The following CADPS variants were observed in gnomAD, a reference collection of about 807,000 sequenced individuals.
CADPS encodes calcium-dependent secretion activator 1.
CADPS carries 57 observed loss-of-function variants against 167.3 expected under a neutral mutation model. The ratio of observed to expected loss-of-function variants is 0.34; its 90% confidence interval spans 0.28 to 0.42. The LOEUF (loss-of-function observed/expected upper bound fraction) is 0.42. Among genes scored for constraint, CADPS ranks in the 20% least tolerant of loss-of-function variants. CADPS has a pLI of 1.00. For missense variants in CADPS, 1,414 were observed against 1,738.1 expected (o/e 0.81, Z 3.32); for synonymous variants, 676 against 635.3 (o/e 1.06, Z -0.96).
intron 1 of CADPS, among the ~76,000 whole-genome samples, chr3:62,775,442 T>C (rs1397890845): frequency 6.6e-6 from 1 of 152,158 alleles, no homozygotes; most frequent in Non-Finnish European, 1.5e-5. Context: ...TGTTCACACA[T>C]TTCATCACAC....
rs779353219 is a variant in CADPS, at chr3:62,550,036, G to T, written c.1833C>A (p.Asp611Glu). The change falls in exon 11 of 30, where the codon GAC (aspartate) becomes GAA (glutamate). Residue 611 changes from aspartate (D) to glutamate (E), a missense_variant. Physicochemically the swap from Asp to Glu is conservative, Grantham distance 45. Around this residue, in one of 6 missense-constraint regions of CADPS, gnomAD observed 529 missense variants for 629.6 expected, o/e 0.84. Transcript: ENST00000383710. ...TVIFASDDEQDRILWVQAMYR... is the reference protein window; with the variant it reads ...TVIFASDDEQERILWVQAMYR... ...ACATGGCCTGGACCCACAGGATGCG[G>T]TCTTGTTCATCGTCACTGGCAAATA... is the stretch of plus-strand genomic sequence containing the variant. 1 of 1,614,118 alleles carries T rather than the reference G, an allele frequency of 6.2e-7. No homozygotes were observed. Among genetic ancestry groups the T allele is most frequent in the Non-Finnish European group, 8.5e-7 (1 of 1,179,968 alleles).
chr3:62,553,026 A>T (rs2077559430), intron 10 of CADPS, among the ~76,000 whole-genome samples: 1 of 152,198 alleles, frequency 6.6e-6, no homozygotes. Flanking sequence ...AAGCCTGAAA[A>T]GTGAGCAATA....
At chr3:62,839,781 G>A (rs961020621) in intron 1 of CADPS, among the ~76,000 whole-genome samples, 1 of 152,176 alleles carries the variant, frequency 6.6e-6, no homozygotes, top group African/African-American at 2.4e-5. Context: ...TCATGGCTCA[G>A]GGTTCATTCC....
chr3:62,744,141 T>C (rs2080933919), intron 3 of CADPS, among the ~76,000 whole-genome samples: 1 of 152,122 alleles, frequency 6.6e-6, no homozygotes, highest in African/African-American at 2.4e-5. Flanking sequence ...CTTTAAAGGC[T>C]TGTTATGAGG....
At chr3:62,442,051 G>A (rs905087123) in intron 27 of CADPS, among the ~76,000 whole-genome samples, 5 of 151,678 alleles carry the variant, frequency 3.3e-5, no homozygotes, top group Admixed American at 6.6e-5. Context: ...AAACAATTAT[G>A]TGCCCATTAA....
chr3:62,478,012 A>T lies in CADPS; in HGVS notation c.3329+249T>A. ...GGGATACAAAAAAGAATGGACAGGG[A>T]TCTTTTCCTCTTAAAGCCAACAACC... On this transcript the variant is annotated intron_variant, in intron 23 of 29. Coordinates refer to ENST00000383710, the MANE Select transcript of CADPS (RefSeq NM_003716.4). The surrounding 1 kb of genome is among the most constrained non-coding windows in gnomAD (Gnocchi z 5.7). The T allele has an allele frequency of 2.2e-6, 1 of 464,556 alleles. No individual in the cohort carries two copies. The allele number at this position is 464,556 out of a possible 1,614,324, so 28.8% of individuals were successfully genotyped here.
intron 26 of CADPS, among the ~76,000 whole-genome samples, chr3:62,448,022 G>C (rs1010478039): frequency 6.6e-6 from 1 of 152,030 alleles, no homozygotes. Flanking sequence ...GTTTACAATC[G>C]AGAACGTAAA....
rs760349324 is a variant in CADPS, at chr3:62,421,281, A to G, written c.3777+16823T>C. 7.5e-5 allele frequency among the ~76,000 whole-genome samples: 11 copies of G among 147,176 alleles called. No individual in the cohort carries two copies. Among genetic ancestry groups the G allele is most frequent in the Non-Finnish European group, 1.5e-4 (10 of 66,636 alleles). On this transcript the variant is annotated intron_variant, in intron 28 of 29. Coordinates refer to ENST00000383710, the MANE Select transcript of CADPS (RefSeq NM_003716.4). This position sits in a 1 kb window ranked among gnomAD's most constrained non-coding sequence, Gnocchi z 4.7. ...TTTTGAGGTGACAGAATAAGAAATTAAACACTTGTGGGTTCATTCGAAAGA... is the reference window on the plus strand; with the variant it reads ...TTTTGAGGTGACAGAATAAGAAATTGAACACTTGTGGGTTCATTCGAAAGA...
At chr3:62,827,939 T>C (rs1055054206) in intron 1 of CADPS, among the ~76,000 whole-genome samples, 2 of 152,150 alleles carry the variant, frequency 1.3e-5, no homozygotes, top group South Asian at 4.1e-4. Context: ...ATAAACTCAG[T>C]AGAACATTTT....
At chr3:62,724,201 A>C (rs2076328617) in intron 3 of CADPS, among the ~76,000 whole-genome samples, 1 of 152,172 alleles carries the variant, frequency 6.6e-6, no homozygotes, top group East Asian at 1.9e-4. Context: ...TTCATTCACC[A>C]TGGGCTCTTT....
chr3:62,707,209 G>A (rs989302084), intron 3 of CADPS, among the ~76,000 whole-genome samples: 1 of 152,004 alleles, frequency 6.6e-6, no homozygotes, highest in Non-Finnish European at 1.5e-5. Flanking sequence ...TCTTATAGGA[G>A]CGCGAACCCT....
At chr3:62,626,241 A>C in intron 6 of CADPS, 1 of 289,026 alleles carries the variant, frequency 3.5e-6, no homozygotes, top group Non-Finnish European at 6.3e-6. Flanking sequence ...AAAGCCAGCT[A>C]AGGGGGAAAA....
chr3:62,585,968 G>A (rs2084522592), intron 7 of CADPS, among the ~76,000 whole-genome samples: 1 of 152,234 alleles, frequency 6.6e-6, no homozygotes, highest in Non-Finnish European at 1.5e-5. Context: ...CCTTTCATCA[G>A]TGTGCTTCAG....
At chr3:62,542,708 A>G (rs879682261) in intron 11 of CADPS, among the ~76,000 whole-genome samples, 1 of 152,208 alleles carries the variant, frequency 6.6e-6, no homozygotes, top group Non-Finnish European at 1.5e-5. Context: ...CTCACATTGC[A>G]TCATGCAGAA....
In CADPS at chr3:62,875,077, A is replaced by G; in HGVS notation, c.-48T>C. On this transcript the variant is annotated 5_prime_UTR_variant, in exon 1 of 30. Transcript: ENST00000383710. ...CTCTGGAGCCCCCGGCTTGGAGTGC[A>G]AAAGGTGGGGGGCGCTGGAGGCAGC... The G allele has an allele frequency of 6.5e-7, 1 of 1,532,956 alleles. No individual in the cohort carries two copies. The highest frequency in any genetic ancestry group is 8.8e-7 in the Non-Finnish European group (1 of 1,135,770). The allele number at this position is 1,532,956 out of a possible 1,614,324, so 95.0% of individuals were successfully genotyped here. A position where few individuals can be genotyped will look rare whatever the true frequency, so the allele number is the denominator to read the frequency against.
chr3:62,773,938 G>T (rs1362547718), intron 1 of CADPS, among the ~76,000 whole-genome samples: 1 of 151,870 alleles, frequency 6.6e-6, no homozygotes, highest in African/African-American at 2.4e-5. Flanking sequence ...TCTATTTTTG[G>T]GCAGAAGAGA....
intron 1 of CADPS, among the ~76,000 whole-genome samples, chr3:62,778,470 C>A (rs2090858399): frequency 6.6e-6 from 1 of 152,150 alleles, no homozygotes; most frequent in Non-Finnish European, 1.5e-5. Flanking sequence ...TATTAAAATG[C>A]TACTTCAGAT....
intron 6 of CADPS, among the ~76,000 whole-genome samples, chr3:62,606,650 A>C (rs972876715): frequency 1.3e-5 from 2 of 152,222 alleles, no homozygotes; most frequent in African/African-American, 2.4e-5. Flanking sequence ...TAGGCAGACT[A>C]TACATCCTTG....
intron 3 of CADPS, 69 bp from the exon 4 acceptor site, chr3:62,662,463 A>AT: frequency 7.6e-7 from 1 of 1,323,732 alleles, no homozygotes; most frequent in Non-Finnish European, 1.1e-6. Context: ...AGGACATTCC[A>AT]TTTTATACCC....
Sources: gnomAD v4.1 joint callset for allele counts (sites outside exome capture counted in the v4.1 genomes callset) on GRCh38, gnomAD v4.1.1 for gene constraint, gnomAD v4.1.1 regional missense constraint, Gnocchi (gnomAD v3.1) non-coding constraint, MANE v1.5 for transcripts, NCBI Gene and HGNC (gene_info 2026-07-23, HGNC 2026-07-21) for gene names.